The following MYH15 variants were observed in gnomAD, a reference collection of about 807,000 sequenced individuals.
The protein encoded by MYH15 is myosin-15.
MYH15 carries 227 observed loss-of-function variants against 240.5 expected under a neutral mutation model. The observed-to-expected ratio is 0.94, with a 90% CI of 0.85 to 1.05. The LOEUF is 1.05. Ranked by LOEUF, MYH15 falls within the 50% of genes least tolerant of loss-of-function variation. The pLI is 0.00. For missense variants in MYH15, 2,217 were observed against 2,247.5 expected (o/e 0.99, Z 0.27); for synonymous variants, 785 against 796.7 (o/e 0.99, Z 0.25).
intron 31 of MYH15, 145 bp from the exon 32 acceptor site, chr3:108,408,549 C>T (rs544115837): frequency 4.3e-6 from 3 of 704,946 alleles, no homozygotes; most frequent in Admixed American, 3.6e-5. Flanking sequence ...TATATGGGAC[C>T]GAGAAATTTT....
chr3:108,417,029 A>T, intron 28 of MYH15, 99 bp from the exon 29 acceptor site: 1 of 871,874 alleles, frequency 1.1e-6, no homozygotes, highest in South Asian at 1.6e-5. Flanking sequence ...AATGACTCCT[A>T]CCCACATATT....
intron 11 of MYH15, among the ~76,000 whole-genome samples, chr3:108,478,433 G>A (rs1250281141): frequency 6.6e-6 from 1 of 152,156 alleles, no homozygotes; most frequent in African/African-American, 2.4e-5. Context: ...GAGCAGACAT[G>A]CCCATCCTAT....
upstream of MYH15, chr3:108,529,331 TG>T (rs541316864): frequency 9.3e-5 from 131 of 1,404,548 alleles, no homozygotes; most frequent in African/African-American, 1.7e-3. Context: ...TGACCTAAAT[TG>T]AGGATCCGAT....
intron 21 of MYH15, among the ~76,000 whole-genome samples, chr3:108,448,930 T>C (rs1262205580): frequency 2.0e-5 from 3 of 151,522 alleles, no homozygotes; most frequent in Non-Finnish European, 4.4e-5. Flanking sequence ...AAAATCAACA[T>C]AAAAAATTAG....
chr3:108,488,775 A>T (rs1576265094), intron 9 of MYH15, among the ~76,000 whole-genome samples: 1 of 152,304 alleles, frequency 6.6e-6, no homozygotes, highest in African/African-American at 2.4e-5. Context: ...CAGGATACTG[A>T]GTTCATTTCC....
At chr3:108,479,022 T>TG (rs764621188) in intron 11 of MYH15, among the ~76,000 whole-genome samples, 1 of 152,274 alleles carries the variant, frequency 6.6e-6, no homozygotes, top group African/African-American at 2.4e-5. Flanking sequence ...TTCTCTGTTT[T>TG]GGGGGGAAAG....
upstream of MYH15, among the ~76,000 whole-genome samples, chr3:108,514,992 A>G (rs2083549674): frequency 1.3e-5 from 2 of 152,128 alleles, no homozygotes; most frequent in Non-Finnish European, 2.9e-5. Flanking sequence ...TTGATAATTA[A>G]TTGTATAATT....
Position 108,381,249 on chromosome 3 carries a change from G to A in MYH15, c.*296C>T. 1 of 463,352 alleles carries A rather than the reference G, an allele frequency of 2.2e-6. No individual in the cohort carries two copies. The allele number at this position is 463,352 out of a possible 1,614,324, so 28.7% of individuals were successfully genotyped here. ...CCATTAAGAGGAAATATGGACAAAGGATCAAGTATTTATTCATTTTTTAAA... is the reference window on the plus strand; with the variant it reads ...CCATTAAGAGGAAATATGGACAAAGAATCAAGTATTTATTCATTTTTTAAA... On this transcript the variant is annotated 3_prime_UTR_variant, in exon 41 of 41. Coordinates refer to ENST00000693548, the MANE Select transcript of MYH15 (RefSeq NM_014981.3).
At chr3:108,542,326 A>G in the MYH15 span, among the ~76,000 whole-genome samples, 1 of 152,194 alleles carries the variant, frequency 6.6e-6, no homozygotes, top group Non-Finnish European at 1.5e-5. Flanking sequence ...GACAAAATGA[A>G]TGTCATGTAC....
chr3:108,478,680 T>TAAA (rs34144812), intron 11 of MYH15, among the ~76,000 whole-genome samples: 1 of 146,620 alleles, frequency 6.8e-6, no homozygotes, highest in Non-Finnish European at 1.5e-5. Flanking sequence ...TGTCCAGGTT[T>TAAA]AAAAAAAAAA....
intron 1 of MYH15, among the ~76,000 whole-genome samples, chr3:108,522,955 C>T (rs1322624873): frequency 6.6e-6 from 1 of 152,102 alleles, no homozygotes; most frequent in Non-Finnish European, 1.5e-5. Context: ...AAAATCCTCT[C>T]ACTTCCAAGG....
chr3:108,444,061 T>C (rs942606656), intron 22 of MYH15, among the ~76,000 whole-genome samples: 10 of 148,500 alleles, frequency 6.7e-5, no homozygotes, highest in African/African-American at 2.5e-4. Flanking sequence ...GATGAGTTAA[T>C]GGGTGCAGCA....
intron 21 of MYH15, among the ~76,000 whole-genome samples, chr3:108,451,117 T>A (rs2107575371): frequency 6.6e-6 from 1 of 152,330 alleles, no homozygotes; most frequent in Non-Finnish European, 1.5e-5. Flanking sequence ...CAGTGGCTCA[T>A]GCCTGTAATC....
At chr3:108,451,784 A>G (rs1031511035) in intron 21 of MYH15, among the ~76,000 whole-genome samples, 13 of 152,306 alleles carry the variant, frequency 8.5e-5, no homozygotes, top group Admixed American at 2.0e-4. Context: ...AATCAAACCC[A>G]TCAATGTATG....
At chr3:108,462,252 A>G (rs2083077657) in intron 16 of MYH15, among the ~76,000 whole-genome samples, 1 of 152,046 alleles carries the variant, frequency 6.6e-6, no homozygotes, top group Non-Finnish European at 1.5e-5. Context: ...CTTCAAATCC[A>G]TCACATGATG....
intron 24 of MYH15, among the ~76,000 whole-genome samples, chr3:108,438,152 G>A (rs1405336450): frequency 2.0e-5 from 3 of 152,094 alleles, no homozygotes; most frequent in African/African-American, 7.2e-5. Context: ...ATCAGTTTCC[G>A]CATGATCATC....
intron 11 of MYH15, among the ~76,000 whole-genome samples, chr3:108,482,070 T>C (rs2083272105): frequency 6.6e-6 from 1 of 151,898 alleles, no homozygotes; most frequent in South Asian, 2.1e-4. Context: ...GGCTAGGTGG[T>C]GGCAGTGGGC....
chr3:108,543,929 C>T, the MYH15 span: 8 of 111,980 alleles, frequency 7.1e-5, no homozygotes, highest in Admixed American at 6.5e-4. Flanking sequence ...AGGCTCTCAA[C>T]AGTTTTAAAT....
chr3:108,404,537 A>G (rs2082531985), intron 33 of MYH15, among the ~76,000 whole-genome samples: 1 of 152,110 alleles, frequency 6.6e-6, no homozygotes, highest in Non-Finnish European at 1.5e-5. Context: ...CTTCCTCACC[A>G]CCTTCTGTGA....
Sources: gnomAD v4.1 joint callset for allele counts (sites outside exome capture counted in the v4.1 genomes callset) on GRCh38, gnomAD v4.1.1 for gene constraint, MANE v1.5 for transcripts, NCBI Gene and HGNC (gene_info 2026-07-23, HGNC 2026-07-21) for gene names.